Variants in METTL15 observed in about 807,000 individuals in gnomAD.
METTL15 encodes the protein 12S rRNA N(4)-cytidine methyltransferase METTL15.
In METTL15, 34 loss-of-function variants were observed where a neutral mutation model predicts 38.3. The ratio of observed to expected loss-of-function variants is 0.89; its 90% CI spans 0.68 to 1.18. The LOEUF (loss-of-function observed/expected upper bound fraction) is 1.18, where lower values mean the gene tolerates loss of function less well. METTL15 is among the 50% of genes most tolerant of loss of function. METTL15 has a pLI of 0.00. For missense variants in METTL15, 438 were observed against 498.4 expected (o/e 0.88, Z 1.15); for synonymous variants, 162 against 170.9 (o/e 0.95, Z 0.41).
intron 3 of METTL15, among the ~76,000 whole-genome samples, chr11:28,126,676 T>C (rs1852502537): frequency 6.6e-6 from 1 of 152,178 alleles, no homozygotes; most frequent in African/African-American, 2.4e-5. Flanking sequence ...ATTCAGAAGA[T>C]GTCTATTAAG....
At chr11:28,284,248 G>GT (rs1565223510) in intron 4 of METTL15, among the ~76,000 whole-genome samples, 1 of 151,994 alleles carries the variant, frequency 6.6e-6, no homozygotes, top group African/African-American at 2.4e-5. Flanking sequence ...GTTGAGCTTT[G>GT]TACCACAATG....
chr11:28,232,960 G>A (rs11030256), intron 4 of METTL15, among the ~76,000 whole-genome samples: 23,232 of 151,926 alleles, frequency 0.15, 1,932 homozygotes, highest in East Asian at 0.28. Context: ...AAGAAAGATA[G>A]AATAAGGACT....
intron 5 of METTL15, among the ~76,000 whole-genome samples, chr11:28,294,886 A>G (rs974688925): frequency 6.6e-6 from 1 of 152,178 alleles, no homozygotes; most frequent in African/African-American, 2.4e-5. Context: ...TGAACAAAAT[A>G]CTTTTTAATT....
chr11:28,426,584 GTTT>G (rs66959082), intron 6 of METTL15, among the ~76,000 whole-genome samples: 1 of 82,344 alleles, frequency 1.2e-5, no homozygotes, highest in Admixed American at 1.2e-4. Context: ...GCCAGCATCT[GTTT>G]TTTTTTTTTT....
At chr11:28,223,922 T>C (rs1454960024) in intron 4 of METTL15, among the ~76,000 whole-genome samples, 2 of 152,112 alleles carry the variant, frequency 1.3e-5, no homozygotes, top group Admixed American at 6.6e-5. Flanking sequence ...GTTTTTTATC[T>C]TCTGAATTTT....
At chr11:28,126,877 A>G (rs542129288) in intron 3 of METTL15, among the ~76,000 whole-genome samples, 1 of 152,280 alleles carries the variant, frequency 6.6e-6, no homozygotes, top group East Asian at 1.9e-4. Context: ...ATCTCCGAAC[A>G]GGAGGATTTA....
In METTL15 at chr11:28,331,640, A is replaced by G. The variant is rs1432557314; in HGVS notation, c.*799A>G. 6 of 151,538 alleles carry G rather than the reference A, an allele frequency of 4.0e-5. No individual in the cohort carries two copies. Among genetic ancestry groups the G allele is most frequent in the Non-Finnish European group, 8.9e-5 (6 of 67,644 alleles). The allele number at this position is 151,538 out of a possible 1,614,324, so 9.4% of individuals were successfully genotyped here. A position where few individuals can be genotyped will look rare whatever the true frequency, so the allele number is the denominator to read the frequency against. On this transcript the variant is annotated 3_prime_UTR_variant, in exon 7 of 7. Transcript: ENST00000407364. ...CAGCCAAGTCTATTTGAAATAGAAA[A>G]CTGTCTATTTAATATAGTAAAATCA...
chr11:28,503,922 G>A lies in METTL15; in HGVS notation c.*425-22556G>A, dbSNP rs576262314. On this transcript the variant is annotated intron_variant and NMD_transcript_variant, in intron 6 of 7. Transcript: ENST00000532947. ...TAAGAATTGCAAACTTAGGCTGGGT[G>A]CAGTGGCTCACACCTATAATCCCAG... Among the ~76,000 whole-genome samples the A allele has an allele frequency of 9.2e-5, 14 of 152,068 alleles. No individual in the cohort carries two copies. The East Asian group carries it at 2.3e-3, about 25-fold the overall frequency.
At chr11:28,414,426 T>C (rs1235611680) in intron 5 of METTL15, among the ~76,000 whole-genome samples, 2 of 152,092 alleles carry the variant, frequency 1.3e-5, no homozygotes, top group Non-Finnish European at 2.9e-5. Flanking sequence ...CTGGGAAATA[T>C]AGACTGCAGG....
intron 3 of METTL15, among the ~76,000 whole-genome samples, chr11:28,206,343 A>T (rs1852342305): frequency 6.6e-6 from 1 of 152,144 alleles, no homozygotes; most frequent in Admixed American, 6.5e-5. Flanking sequence ...CAGTTTTCCC[A>T]GCACCATTTA....
intron 4 of METTL15, among the ~76,000 whole-genome samples, chr11:28,217,208 T>A (rs1430195261): frequency 6.6e-6 from 1 of 151,974 alleles, no homozygotes; most frequent in Non-Finnish European, 1.5e-5. Flanking sequence ...TTTCTCCACA[T>A]CCTCTCCAGC....
chr11:28,296,692 G>A, intron 5 of METTL15, 61 bp from the exon 6 acceptor site: 2 of 1,575,722 alleles, frequency 1.3e-6, no homozygotes, highest in Non-Finnish European at 1.7e-6. Context: ...GTACTCTGAA[G>A]TTTCACGTCT....
intron 6 of METTL15, among the ~76,000 whole-genome samples, chr11:28,300,370 A>G (rs1258535551): frequency 6.6e-6 from 1 of 152,160 alleles, no homozygotes; most frequent in African/African-American, 2.4e-5. Flanking sequence ...CCAAAAACTA[A>G]TAATTCAGTA....
chr11:28,153,911 G>T (rs1488976648), intron 3 of METTL15, among the ~76,000 whole-genome samples: 2 of 152,062 alleles, frequency 1.3e-5, no homozygotes, highest in Admixed American at 6.6e-5. Context: ...GCAGAAATTG[G>T]TAGTGCTGGG....
intron 5 of METTL15, among the ~76,000 whole-genome samples, chr11:28,380,869 A>C (rs1850376153): frequency 6.6e-6 from 1 of 151,936 alleles, no homozygotes; most frequent in Non-Finnish European, 1.5e-5. Context: ...CACTTTAAAA[A>C]TGTCATTCCA....
intron 4 of METTL15, among the ~76,000 whole-genome samples, chr11:28,233,111 T>C (rs529277472): frequency 6.6e-6 from 1 of 152,170 alleles, no homozygotes; most frequent in African/African-American, 2.4e-5. Flanking sequence ...TTCATGAATA[T>C]AGTTTTATTT....
chr11:28,345,673 T>C (rs1188107388), intron 3 of METTL15, among the ~76,000 whole-genome samples: 1 of 152,206 alleles, frequency 6.6e-6, no homozygotes, highest in Non-Finnish European at 1.5e-5. Flanking sequence ...CATTCCTTTT[T>C]TCTAAAGGAC....
At chr11:28,502,406 C>A (rs940769663) in intron 6 of METTL15, among the ~76,000 whole-genome samples, 1 of 152,146 alleles carries the variant, frequency 6.6e-6, no homozygotes, top group African/African-American at 2.4e-5. Flanking sequence ...TGTAAATGAG[C>A]AGGTGAATAT....
intron 3 of METTL15, among the ~76,000 whole-genome samples, chr11:28,204,369 C>A (rs1025350305): frequency 2.7e-5 from 4 of 149,392 alleles, no homozygotes; most frequent in African/African-American, 9.8e-5. Context: ...TTAGAATTCA[C>A]TTCCCCTAAC....
Sources: gnomAD v4.1 joint callset for allele counts (sites outside exome capture counted in the v4.1 genomes callset) on GRCh38, gnomAD v4.1.1 for gene constraint, MANE v1.5 for transcripts, NCBI Gene and HGNC (gene_info 2026-07-23, HGNC 2026-07-21) for gene names.